ROBO1: variants seen among roughly 807,000 people sequenced by gnomAD.
ROBO1 encodes roundabout homolog 1.
A neutral mutation model predicts 195.9 loss-of-function variants in ROBO1; 149 were observed. That is an observed-to-expected ratio of 0.76 (90% CI 0.67 to 0.87). The LOEUF (loss-of-function observed/expected upper bound fraction) is 0.87, where lower values mean the gene tolerates loss of function less well. Ranked by LOEUF, ROBO1 falls within the 40% of genes least tolerant of loss-of-function variation. The probability of loss-of-function intolerance (pLI) is 0.00; values close to 1 mark genes in which losing one functional copy is unlikely to be tolerated. For synonymous variants in ROBO1, 816 were observed against 733.2 expected, an observed-to-expected ratio of 1.11 and a Z score of -1.82; for missense variants, 1,933 against 2,068.3, an observed-to-expected ratio of 0.93 and a Z score of 1.27.
At chr3:79,301,687 A>C (rs2032964980) in intron 2 of ROBO1, among the ~76,000 whole-genome samples, 1 of 152,222 alleles carries the variant, frequency 6.6e-6, no homozygotes, top group South Asian at 2.1e-4. Context: ...CAATGGAAGG[A>C]AATATATAGT....
chr3:79,267,108 A>G (rs1256363802), intron 2 of ROBO1, among the ~76,000 whole-genome samples: 2 of 151,530 alleles, frequency 1.3e-5, no homozygotes, highest in Non-Finnish European at 3.0e-5. Context: ...ATAAATTGTA[A>G]AAATCAGTTT....
At chr3:79,263,634 C>T (rs778015698) in intron 2 of ROBO1, among the ~76,000 whole-genome samples, 6 of 151,890 alleles carry the variant, frequency 4.0e-5, no homozygotes, top group Non-Finnish European at 8.8e-5. Context: ...AGAGTGAAAC[C>T]CTGTCCAAAA....
chr3:79,614,359 A>G (rs984419942), intron 1 of ROBO1, among the ~76,000 whole-genome samples: 1 of 152,124 alleles, frequency 6.6e-6, no homozygotes, highest in South Asian at 2.1e-4. Flanking sequence ...CTGCATTTAT[A>G]TATCACCCAC....
intron 2 of ROBO1, among the ~76,000 whole-genome samples, chr3:79,383,874 G>C (rs923267022): frequency 6.6e-6 from 1 of 152,008 alleles, no homozygotes; most frequent in Non-Finnish European, 1.5e-5. Context: ...GTGATTTACA[G>C]TAAAAATGCT....
At chr3:79,644,430 T>C (rs1945757076) in intron 1 of ROBO1, among the ~76,000 whole-genome samples, 1 of 152,126 alleles carries the variant, frequency 6.6e-6, no homozygotes, top group Non-Finnish European at 1.5e-5. Flanking sequence ...GTACTTACAG[T>C]TCCATGTGGC....
chr3:79,124,998 G>A (rs1429643517), intron 3 of ROBO1, among the ~76,000 whole-genome samples: 5 of 151,984 alleles, frequency 3.3e-5, no homozygotes, highest in South Asian at 2.1e-4. Flanking sequence ...GATGTAAGTT[G>A]GTGGTTATGA....
At chr3:79,109,543 G>T (rs1457240236) in intron 3 of ROBO1, among the ~76,000 whole-genome samples, 1 of 151,896 alleles carries the variant, frequency 6.6e-6, no homozygotes, top group East Asian at 1.9e-4. Context: ...AAGATAGCTA[G>T]CACCTTGATG....
chr3:78,868,422 C>G (rs149667957), intron 4 of ROBO1, among the ~76,000 whole-genome samples: 1,798 of 152,094 alleles, frequency 0.012, 36 homozygotes, highest in African/African-American at 0.041. Flanking sequence ...ACCCAATACC[C>G]TACTTAAATA....
At chr3:78,776,684 T>C (rs1479153346) in intron 4 of ROBO1, among the ~76,000 whole-genome samples, 1 of 152,214 alleles carries the variant, frequency 6.6e-6, no homozygotes, top group Non-Finnish European at 1.5e-5. Flanking sequence ...TGCAAATTAA[T>C]GTACGTTAGA....
intron 3 of ROBO1, among the ~76,000 whole-genome samples, chr3:79,021,337 T>C (rs949103107): frequency 2.8e-4 from 43 of 152,224 alleles, no homozygotes; most frequent in Admixed American, 2.7e-3. Flanking sequence ...AACACTAAAG[T>C]GTAGTACTTG....
intron 2 of ROBO1, among the ~76,000 whole-genome samples, chr3:79,267,657 C>G (rs766551355): frequency 6.6e-6 from 1 of 150,384 alleles, no homozygotes; most frequent in Non-Finnish European, 1.5e-5. Flanking sequence ...TTGAAGTTTT[C>G]TTTTTCCACT....
intron 3 of ROBO1, among the ~76,000 whole-genome samples, chr3:79,066,912 A>G (rs2079012367): frequency 6.6e-6 from 1 of 151,990 alleles, no homozygotes; most frequent in East Asian, 1.9e-4. Context: ...GAAGGTAGTG[A>G]GTCAAGCATG....
chr3:79,517,570 A>G (rs1486355461), intron 2 of ROBO1, among the ~76,000 whole-genome samples: 1 of 152,170 alleles, frequency 6.6e-6, no homozygotes, highest in East Asian at 1.9e-4. Flanking sequence ...TGTGACTTTC[A>G]AAGTACTAAT....
At chr3:79,277,555 C>A (rs1182103483) in intron 2 of ROBO1, among the ~76,000 whole-genome samples, 1 of 151,858 alleles carries the variant, frequency 6.6e-6, no homozygotes, top group Non-Finnish European at 1.5e-5. Flanking sequence ...TAAGATCTAG[C>A]ATTTGAATGC....
At chr3:79,270,773 G>C (rs774478386) in intron 2 of ROBO1, among the ~76,000 whole-genome samples, 1 of 151,818 alleles carries the variant, frequency 6.6e-6, no homozygotes, top group Non-Finnish European at 1.5e-5. Flanking sequence ...TTGGTTAATT[G>C]CATCTCTCTC....
intron 2 of ROBO1, among the ~76,000 whole-genome samples, chr3:79,337,020 CA>C (rs1170931614): frequency 2.0e-5 from 3 of 152,164 alleles, no homozygotes; most frequent in Non-Finnish European, 4.4e-5. Context: ...TTGTTTTGTC[CA>C]ATTTCTCCCA....
intron 2 of ROBO1, among the ~76,000 whole-genome samples, chr3:79,265,514 T>C (rs1168181914): frequency 6.6e-6 from 1 of 151,620 alleles, no homozygotes; most frequent in African/African-American, 2.4e-5. Context: ...ATATTTAGTA[T>C]ATAAAATTAC....
intron 16 of ROBO1, chr3:78,660,168 G>A (rs1256303532): frequency 4.7e-5 from 8 of 170,082 alleles, no homozygotes; most frequent in African/African-American, 1.4e-4. Flanking sequence ...TGATCCGCCC[G>A]CCTCAGCCTC....
chr3:79,621,635 G>C (rs1216874408), intron 1 of ROBO1, among the ~76,000 whole-genome samples: 3 of 152,138 alleles, frequency 2.0e-5, no homozygotes, highest in Admixed American at 1.3e-4. Flanking sequence ...GAAAAGAACT[G>C]AAAGCCAAAA....
Sources: gnomAD v4.1 joint callset for allele counts (sites outside exome capture counted in the v4.1 genomes callset) on GRCh38, gnomAD v4.1.1 for gene constraint, MANE v1.5 for transcripts, NCBI Gene and HGNC (gene_info 2026-07-23, HGNC 2026-07-21) for gene names.